The following PNPLA7 variants were observed in gnomAD, a reference collection of about 807,000 sequenced individuals.
PNPLA7 encodes patatin-like phospholipase domain-containing protein 7.
A neutral mutation model predicts 161.7 loss-of-function variants in PNPLA7; 153 were observed. That is an observed-to-expected ratio of 0.95 (90% CI 0.83 to 1.08). The LOEUF is 1.08. Among genes scored for constraint, PNPLA7 ranks in the 50% least tolerant of loss-of-function variants. The pLI, the probability that PNPLA7 is intolerant of heterozygous loss-of-function variation, is 0.00. For missense variants in PNPLA7, 1,739 were observed against 1,856.6 expected (o/e 0.94, Z 1.16); for synonymous variants, 809 against 782.1 (o/e 1.03, Z -0.57).
rs41297243 is a variant in PNPLA7 at position 137,462,524 on chromosome 9, T to C, written c.3492+161A>G. On this transcript the variant is annotated intron_variant, in intron 30 of 34. Coordinates refer to ENST00000406427, the MANE Select transcript of PNPLA7 (RefSeq NM_001098537.3). ...CTTCAGGCCCGTCCGGCCTCGTGCC[T>C]TCCTTCGCCCGAGTTGGGCTCAGGC... 3,131 of 1,389,680 alleles carry C rather than the reference T, an allele frequency of 2.3e-3. 6 individuals are homozygous for C. The highest frequency in any genetic ancestry group is 2.6e-3 in the Non-Finnish European group (2,776 of 1,049,112). 86.1% of individuals were successfully genotyped at this position (1,389,680 alleles called of 1,614,324 possible).
intron 26 of PNPLA7, among the ~76,000 whole-genome samples, chr9:137,465,081 C>G (rs879560215): frequency 1.3e-5 from 2 of 152,172 alleles, no homozygotes; most frequent in Non-Finnish European, 2.9e-5. Flanking sequence ...GAAGGGTCTT[C>G]CCTGCCATAG....
intron 9 of PNPLA7, 35 bp downstream of exon 9, chr9:137,522,694 A>C: frequency 6.2e-7 from 1 of 1,610,754 alleles, no homozygotes; most frequent in African/African-American, 1.3e-5. Context: ...GGTGACCCAC[A>C]GCAGCTAGAA....
At position 137,461,932 on chromosome 9, in the gene PNPLA7, G is replaced by A. The variant is rs1383807278; in HGVS notation, c.3755C>T (p.Ala1252Val). Residue 1252 changes from alanine (A) to valine (V), a missense_variant and splice_region_variant, in exon 32 of 35, where the codon GCG becomes GTG. By Grantham distance (64) the Ala-to-Val change is moderately conservative (BLOSUM62 0). Coordinates refer to ENST00000406427, the MANE Select transcript of PNPLA7 (RefSeq NM_001098537.3). ...CGTGGTCCGGACGCCCGTACTCACC[G>A]CACTCGCGGGCTTCTTGCTCGGCCC... Reference protein sequence around the residue: ...QQGPSKKPASAVLTCPNASFT... With the variant: ...QQGPSKKPASVVLTCPNASFT... The A allele has an allele frequency of 8.9e-6, 14 of 1,566,056 alleles. No individual in the cohort carries two copies. The highest frequency in any genetic ancestry group is 2.4e-5 in the East Asian group (1 of 42,278).
In PNPLA7 at chr9:137,547,004, C is replaced by A; in HGVS notation, c.194-95G>T. On this transcript the variant is annotated intron_variant, in intron 3 of 34. Transcript: ENST00000406427. The surrounding 1 kb of genome is among the most constrained non-coding windows in gnomAD (Gnocchi z 4.6). ...AGCACAGTCAGTCATACTCTCGTCCCTGCCAGTAACTGGCCATACTCAGAC... is the reference window on the plus strand; with the variant it reads ...AGCACAGTCAGTCATACTCTCGTCCATGCCAGTAACTGGCCATACTCAGAC... 2.6e-6 allele frequency: 3 copies of A among 1,174,850 alleles called. No homozygotes were observed. Among genetic ancestry groups the A allele is most frequent in the East Asian group, 4.8e-5 (2 of 41,714 alleles). 72.8% of individuals were successfully genotyped at this position (1,174,850 alleles called of 1,614,324 possible).
At chr9:137,542,305 CA>C (rs1312821713) in intron 7 of PNPLA7, among the ~76,000 whole-genome samples, 1 of 151,926 alleles carries the variant, frequency 6.6e-6, no homozygotes, top group African/African-American at 2.4e-5. Context: ...TCCATCTCTA[CA>C]AAAAAATTTT....
intron 27 of PNPLA7, 44 bp from the exon 28 acceptor site, chr9:137,464,239 C>T (rs369372305): frequency 6.8e-6 from 11 of 1,611,694 alleles, no homozygotes; most frequent in Middle Eastern, 1.6e-4. Context: ...CCATCACGCT[C>T]CTGTCCTGTG....
In PNPLA7 at chr9:137,520,109, C is replaced by A; in HGVS notation, c.958-66G>T. Reference sequence around the variant, plus strand: ...CCCCACACCCACTGACAGGTGTGGGCTCCTCAAAGGTGTGACAGGTGTGGG... The same window carrying A: ...CCCCACACCCACTGACAGGTGTGGGATCCTCAAAGGTGTGACAGGTGTGGG... On this transcript the variant is annotated intron_variant, in intron 10 of 34. Coordinates refer to ENST00000406427, the MANE Select transcript of PNPLA7 (RefSeq NM_001098537.3). This position sits in a 1 kb window ranked among gnomAD's most constrained non-coding sequence, Gnocchi z 5.2. The A allele has an allele frequency of 6.3e-7, 1 of 1,587,868 alleles. No individual in the cohort carries two copies. The highest frequency in any genetic ancestry group is 1.1e-5 in the South Asian group (1 of 89,278).
In PNPLA7 at chr9:137,524,413, C is replaced by T. The variant is rs1835195939; in HGVS notation, c.748-1556G>A. Among the ~76,000 whole-genome samples the T allele has an allele frequency of 1.3e-5, 2 of 152,194 alleles. No individual in the cohort carries two copies. Among genetic ancestry groups the T allele is most frequent in the African/African-American group, 4.8e-5 (2 of 41,536 alleles). On this transcript the variant is annotated intron_variant, in intron 8 of 34. Coordinates refer to ENST00000406427, the MANE Select transcript of PNPLA7 (RefSeq NM_001098537.3). This position sits in a 1 kb window ranked among gnomAD's most constrained non-coding sequence, Gnocchi z 4.4. The stretch of plus-strand genomic sequence containing the variant: ...CTGAGTGCTGGCTGCCTCATGGAGG[C>T]CTTGCAGTGTCTCCTCGTGAAGGCC...
chr9:137,461,152 G>A (rs984692410), intron 33 of PNPLA7: 5 of 326,672 alleles, frequency 1.5e-5, no homozygotes, highest in Middle Eastern at 9.1e-4. Context: ...AGGCCCAAGC[G>A]CAGGGCCCTG....
chr9:137,533,187 C>A (rs1427412990), intron 8 of PNPLA7, among the ~76,000 whole-genome samples: 1 of 149,276 alleles, frequency 6.7e-6, no homozygotes, highest in Admixed American at 6.7e-5. Context: ...AGTGTACACT[C>A]TAGACGGGGG....
At chr9:137,487,932 T>C (rs1832570858) in intron 20 of PNPLA7, among the ~76,000 whole-genome samples, 1 of 152,210 alleles carries the variant, frequency 6.6e-6, no homozygotes, top group Non-Finnish European at 1.5e-5. Context: ...AGCTGAGCCT[T>C]GGCCACACGG....
chr9:137,470,760 C>T (rs1261713110), intron 25 of PNPLA7, among the ~76,000 whole-genome samples: 5 of 152,152 alleles, frequency 3.3e-5, no homozygotes, highest in Non-Finnish European at 5.9e-5. Flanking sequence ...AACATCAGGA[C>T]GAAATGGGTC....
At chr9:137,522,105 C>T (rs562171037) in intron 9 of PNPLA7, among the ~76,000 whole-genome samples, 162 of 152,238 alleles carry the variant, frequency 1.1e-3, no homozygotes, top group African/African-American at 1.4e-3. Flanking sequence ...CATGGTGTCT[C>T]GCTATGCCGC....
rs369177879 is a variant in PNPLA7, at chr9:137,486,776, C to T, written c.2198-2040G>A. 5.4e-3 allele frequency among the ~76,000 whole-genome samples: 828 copies of T among 152,132 alleles called. 6 individuals are homozygous for T. The highest frequency in any genetic ancestry group is 8.7e-3 in the Non-Finnish European group (594 of 68,010). ...CACAGTGGCCGGAGCTGGCCTTCGA[C>T]GCCCAAGTCTGCCCGGAGCCTTTTT... is the stretch of plus-strand genomic sequence containing the variant. On this transcript the variant is annotated intron_variant, in intron 20 of 34. Coordinates refer to ENST00000406427, the MANE Select transcript of PNPLA7 (RefSeq NM_001098537.3). This position sits in a 1 kb window ranked among gnomAD's most constrained non-coding sequence, Gnocchi z 6.0.
In PNPLA7 at chr9:137,466,418, C is replaced by T. The variant is rs118014901; in HGVS notation, c.3039+899G>A. ...ATCTCCACCATCTCAGACCCGGGCA[C>T]GGATCAAACCGCCTCCCAACACCGT... On this transcript the variant is annotated intron_variant, in intron 26 of 34. Coordinates refer to ENST00000406427, the MANE Select transcript of PNPLA7 (RefSeq NM_001098537.3). Among the ~76,000 whole-genome samples the T allele has an allele frequency of 3.3e-3, 495 of 151,162 alleles. 19 individuals carry two copies. The East Asian group carries it at 0.083, about 25-fold the overall frequency.
intron 14 of PNPLA7, among the ~76,000 whole-genome samples, chr9:137,502,599 G>A (rs1271365262): frequency 2.9e-5 from 4 of 136,140 alleles, no homozygotes; most frequent in Non-Finnish European, 6.3e-5. Context: ...AGCCCGAGGA[G>A]GAGCCGTGGG....
In PNPLA7 at chr9:137,536,669, A is replaced by G. The variant is rs137947396; in HGVS notation, c.747+3973T>C. ...TAGTACACTACATAGCTCAGCTGTG[A>G]ATAGTATCCATGAAGTCGAAAGAAC... On this transcript the variant is annotated intron_variant, in intron 8 of 34. Transcript: ENST00000406427. 1.6e-4 allele frequency among the ~76,000 whole-genome samples: 25 copies of G among 152,352 alleles called. No homozygotes were observed. The East Asian group carries it at 4.8e-3, about 29-fold the overall frequency.
chr9:137,532,017 C>A (rs1360925197), intron 8 of PNPLA7, among the ~76,000 whole-genome samples: 1 of 152,216 alleles, frequency 6.6e-6, no homozygotes, highest in East Asian at 1.9e-4. Context: ...CTCCTTTCCT[C>A]TCCCGAACAG....
At chr9:137,480,900 C>T in intron 22 of PNPLA7, 60 bp downstream of exon 22, 1 of 1,500,366 alleles carries the variant, frequency 6.7e-7, no homozygotes, top group Non-Finnish European at 9.1e-7. Flanking sequence ...ACAGTGGGGA[C>T]ACATCTCAGG....
Sources: allele counts gnomAD v4.1 joint callset (sites outside exome capture counted in the v4.1 genomes callset), GRCh38; gene constraint gnomAD v4.1.1; non-coding constraint Gnocchi (gnomAD v3.1); transcripts MANE v1.5; gene names NCBI Gene and HGNC (gene_info 2026-07-23, HGNC 2026-07-21).